The following TRIM67 variants were observed in gnomAD, a reference collection of about 807,000 sequenced individuals.
TRIM67 encodes tripartite motif containing 67.
TRIM67 carries 39 observed loss-of-function variants against 71.0 expected under a neutral mutation model. That is an observed-to-expected ratio of 0.55 (90% CI 0.43 to 0.72). The LOEUF (loss-of-function observed/expected upper bound fraction) is 0.72, where lower values mean the gene tolerates loss of function less well. Among genes scored for constraint, TRIM67 ranks in the 30% least tolerant of loss-of-function variants. TRIM67 has a pLI of 0.00. For synonymous variants in TRIM67, 481 were observed against 473.9 expected (o/e 1.01, Z -0.19); for missense variants, 973 against 1,079.2 (o/e 0.90, Z 1.38).
intron 5 of TRIM67, among the ~76,000 whole-genome samples, chr1:231,203,313 C>T (rs1333564371): frequency 6.6e-6 from 1 of 152,206 alleles, no homozygotes; most frequent in Non-Finnish European, 1.5e-5. Context: ...ATACTCGAGA[C>T]TTTCTTCTGT....
At chr1:231,202,165 T>TGG (rs1683562385) in intron 5 of TRIM67, among the ~76,000 whole-genome samples, 2 of 3,302 alleles carry the variant, frequency 6.1e-4, no homozygotes, top group South Asian at 0.01. Flanking sequence ...GAGGAGGAGG[T>TGG]AGTGGAGGAG....
rs771033284 is a variant in TRIM67, at chr1:231,163,117, C to T, written c.148C>T (p.Leu50=). ...DGEQHLPQPL[L]LSRGSGLQAG... ...TGAGCAGCACCTGCCCCAGCCGCTC[C>T]TGCTTTCCCGGGGATCGGGGCTGCA... is the stretch of plus-strand genomic sequence containing the variant. The change falls in exon 1 of 10, where the codon CTG becomes TTG. Residue 50 remains leucine (L), a synonymous_variant. Transcript: ENST00000366653. 1.9e-5 allele frequency: 29 copies of T among 1,560,084 alleles called. No homozygotes were observed. Among genetic ancestry groups the T allele is most frequent in the Non-Finnish European group, 2.1e-5 (24 of 1,154,132 alleles).
intron 1 of TRIM67, among the ~76,000 whole-genome samples, chr1:231,179,362 C>A (rs1682840158): frequency 6.6e-6 from 1 of 152,202 alleles, no homozygotes. Flanking sequence ...AGTGTGACCC[C>A]CACCTTAACC....
At position 231,219,362 on chromosome 1, in the gene TRIM67, G is replaced by C. The variant is rs1029088178; in HGVS notation, c.*3922G>C. On this transcript the variant is annotated 3_prime_UTR_variant, in exon 10 of 10. Coordinates refer to ENST00000366653, the MANE Select transcript of TRIM67 (RefSeq NM_001004342.5). The stretch of plus-strand genomic sequence containing the variant: ...GCCTCCACAAGTTGAGAACCACCAG[G>C]TTATGCCAGTGGTTTGTCATGCATG... 1.0e-6 allele frequency: 1 copy of C among 987,598 alleles called. No homozygotes were observed. The highest frequency in any genetic ancestry group is 1.2e-6 in the Non-Finnish European group (1 of 831,518). 61.2% of individuals were successfully genotyped at this position (987,598 alleles called of 1,614,324 possible). A position where few individuals can be genotyped will look rare whatever the true frequency, so the allele number is the denominator to read the frequency against.
Position 231,162,646 on chromosome 1 carries a change from C to T in TRIM67, c.-324C>T. ...GCTGCAGCCGGCGGCGGCGCTGGTGCTGATTCATCACCTAAAGCTCCTCGC... is the reference window on the plus strand; with the variant it reads ...GCTGCAGCCGGCGGCGGCGCTGGTGTTGATTCATCACCTAAAGCTCCTCGC... On this transcript the variant is annotated 5_prime_UTR_variant, in exon 1 of 10. Coordinates refer to ENST00000366653, the MANE Select transcript of TRIM67 (RefSeq NM_001004342.5). 1 of 287,188 alleles carries T rather than the reference C, an allele frequency of 3.5e-6. No individual in the cohort carries two copies. The highest frequency in any genetic ancestry group is 6.5e-6 in the Non-Finnish European group (1 of 154,524). The allele number at this position is 287,188 out of a possible 1,614,324, so 17.8% of individuals were successfully genotyped here. A position where few individuals can be genotyped will look rare whatever the true frequency, so the allele number is the denominator to read the frequency against.
At chr1:231,188,893 G>A (rs1223375161) in intron 1 of TRIM67, among the ~76,000 whole-genome samples, 1 of 152,196 alleles carries the variant, frequency 6.6e-6, no homozygotes, top group Non-Finnish European at 1.5e-5. Context: ...TTGTGACTGG[G>A]TTCGGGCAGT....
chr1:231,218,539 C>T lies in TRIM67; in HGVS notation c.*3099C>T, dbSNP rs1684070052. The T allele has an allele frequency of 6.1e-6, 6 of 985,326 alleles. No homozygotes were observed. In the South Asian group the frequency reaches 2.3e-4, roughly 39 times the overall value. 61.0% of individuals were successfully genotyped at this position (985,326 alleles called of 1,614,324 possible). ...TAGCACCTCACTGCATACATAGCAT[C>T]CCAGCTCCTAATTCAAAGCAGGGGA... On this transcript the variant is annotated 3_prime_UTR_variant, in exon 10 of 10. Coordinates refer to ENST00000366653, the MANE Select transcript of TRIM67 (RefSeq NM_001004342.5).
intron 1 of TRIM67, among the ~76,000 whole-genome samples, chr1:231,172,888 C>G (rs1360713201): frequency 1.3e-5 from 2 of 152,216 alleles, no homozygotes; most frequent in African/African-American, 2.4e-5. Context: ...TTATTTGTTG[C>G]CTTATGGTTG....
chr1:231,186,089 G>A (rs1329695478), intron 1 of TRIM67: 5 of 1,533,068 alleles, frequency 3.3e-6, no homozygotes, highest in East Asian at 2.4e-5. Context: ...TCTCCTGATA[G>A]GCGGCTGGCA....
chr1:231,164,456 AG>A (rs1682395445), intron 1 of TRIM67, among the ~76,000 whole-genome samples: 2 of 152,174 alleles, frequency 1.3e-5, no homozygotes, highest in Non-Finnish European at 1.5e-5. Context: ...CGAGAAAGAG[AG>A]GAGCCATCAA....
chr1:231,177,817 A>G (rs762383982), intron 1 of TRIM67, among the ~76,000 whole-genome samples: 2 of 152,210 alleles, frequency 1.3e-5, no homozygotes, highest in Non-Finnish European at 2.9e-5. Flanking sequence ...AGGACTATGT[A>G]TTATTTATCT....
In TRIM67 at chr1:231,163,239, C is replaced by T. The variant is rs1415874601; in HGVS notation, c.270C>T (p.Gly90=). The part of the protein sequence containing the change: ...AGGSAAGGLG[G]GAGGGGDHAD... Reference sequence around the variant, plus strand: ...GGAGTGCAGCTGGCGGCCTCGGCGGCGGTGCGGGAGGTGGCGGAGACCACG... The same window carrying T: ...GGAGTGCAGCTGGCGGCCTCGGCGGTGGTGCGGGAGGTGGCGGAGACCACG... The change falls in exon 1 of 10, where the codon GGC becomes GGT. Residue 90 remains glycine (G), a synonymous_variant. Transcript: ENST00000366653. 7.2e-5 allele frequency: 108 copies of T among 1,500,282 alleles called. No homozygotes were observed. The highest frequency in any genetic ancestry group is 8.8e-5 in the Non-Finnish European group (99 of 1,124,770). 92.9% of individuals were successfully genotyped at this position (1,500,282 alleles called of 1,614,324 possible).
chr1:231,169,523 C>T (rs1000650617), intron 1 of TRIM67, among the ~76,000 whole-genome samples: 2 of 151,668 alleles, frequency 1.3e-5, no homozygotes, highest in Non-Finnish European at 2.9e-5. Context: ...AAATTACAGG[C>T]ATGCACCACC....
rs1338664853 is a variant in TRIM67 at position 231,163,096 on chromosome 1, C to G, written c.127C>G (p.Gln43Glu). The G allele has an allele frequency of 6.4e-7, 1 of 1,573,680 alleles. No homozygotes were observed. Among genetic ancestry groups the G allele is most frequent in the African/African-American group, 1.4e-5 (1 of 73,156 alleles). The change falls in exon 1 of 10, where the codon CAG becomes GAG. Residue 43 changes from glutamine (Q) to glutamate (E), a missense_variant. By Grantham distance (29) the Gln-to-Glu change is conservative. This residue lies in a region of TRIM67 where 795 missense variants were observed against 831.3 expected (regional missense o/e 0.96). Transcript: ENST00000366653. The stretch of plus-strand genomic sequence containing the variant: ...CGCGGTGCAGACCCCGGACGGTGAG[C>G]AGCACCTGCCCCAGCCGCTCCTGCT... The part of the protein sequence containing the change: ...TIAVQTPDGE[Q>E]HLPQPLLLSR...
rs774755029 is a variant in TRIM67 at position 231,219,268 on chromosome 1, C to T, written c.*3828C>T. ...TCCCTGGTCTCTACCCATCATCTGC[C>T]AGTAGCAACCCCCAAGTTAGGTGTG... On this transcript the variant is annotated 3_prime_UTR_variant, in exon 10 of 10. Transcript: ENST00000366653. 857 of 977,792 alleles carry T rather than the reference C, an allele frequency of 8.8e-4. 1 individual carries two copies. The highest frequency in any genetic ancestry group is 9.7e-4 in the Non-Finnish European group (801 of 822,800). The allele number at this position is 977,792 out of a possible 1,614,324, so 60.6% of individuals were successfully genotyped here. A position where few individuals can be genotyped will look rare whatever the true frequency, so the allele number is the denominator to read the frequency against.
intron 1 of TRIM67, among the ~76,000 whole-genome samples, chr1:231,179,850 T>G (rs1436369747): frequency 1.3e-5 from 2 of 151,920 alleles, no homozygotes; most frequent in African/African-American, 4.8e-5. Flanking sequence ...AGAAGGACGG[T>G]TTAAGGTAGG....
intron 2 of TRIM67, among the ~76,000 whole-genome samples, chr1:231,198,681 G>A (rs538034837): frequency 1.5e-4 from 23 of 152,078 alleles, no homozygotes; most frequent in Admixed American, 4.6e-4. Flanking sequence ...CTGCCGCGCC[G>A]GGCCTGTTCT....
chr1:231,176,912 A>AAAAAAAAAAACAAAAAAAAC (rs1558292686), intron 1 of TRIM67, among the ~76,000 whole-genome samples: 14 of 150,154 alleles, frequency 9.3e-5, no homozygotes, highest in African/African-American at 3.5e-4. Context: ...CTGGCAAAAA[A>AAAAAAAAAAACAAAAAAAAC]AAAAAAAAAA....
chr1:231,206,009 C>T (rs908623712), intron 6 of TRIM67, among the ~76,000 whole-genome samples: 4 of 152,342 alleles, frequency 2.6e-5, no homozygotes, highest in South Asian at 4.1e-4. Context: ...CTCGCCGCCT[C>T]GCAGGCAGAG....
Sources: gnomAD v4.1 joint callset for allele counts (sites outside exome capture counted in the v4.1 genomes callset) on GRCh38, gnomAD v4.1.1 for gene constraint, gnomAD v4.1.1 regional missense constraint, MANE v1.5 for transcripts, NCBI Gene and HGNC (gene_info 2026-07-23, HGNC 2026-07-21) for gene names.